The following PGR variants were observed in gnomAD, a reference collection of about 807,000 sequenced individuals.
The protein encoded by PGR is progesterone receptor, also known as nuclear receptor subfamily 3 group C member 3.
Under a neutral mutation model 76.1 loss-of-function variants are expected in PGR, and 25 were observed. The ratio of observed to expected loss-of-function variants is 0.33; its 90% CI spans 0.24 to 0.46. PGR has a LOEUF of 0.46. Ranked by LOEUF, PGR falls within the 20% of genes least tolerant of loss-of-function variation. PGR has a pLI of 1.00. For missense variants in PGR, 1,172 were observed against 1,225.3 expected, an observed-to-expected ratio of 0.96 and a Z score of 0.65; for synonymous variants, 579 against 535.0, an observed-to-expected ratio of 1.08 and a Z score of -1.14.
chr11:101,077,558 T>G (rs944624424), intron 3 of PGR, among the ~76,000 whole-genome samples: 1 of 152,168 alleles, frequency 6.6e-6, no homozygotes, highest in African/African-American at 2.4e-5. Flanking sequence ...ACCCCTCAAT[T>G]CTAACTTTTT....
intron 3 of PGR, among the ~76,000 whole-genome samples, chr11:101,081,746 T>A (rs1861314678): frequency 6.6e-6 from 1 of 152,128 alleles, no homozygotes; most frequent in African/African-American, 2.4e-5. Context: ...TTACAAGAGA[T>A]CCTTACATGG....
chr11:101,094,245 C>T (rs1369720565), intron 2 of PGR, among the ~76,000 whole-genome samples: 1 of 152,188 alleles, frequency 6.6e-6, no homozygotes, highest in Non-Finnish European at 1.5e-5. Context: ...TTCTACCTAA[C>T]TTCCTTTATT....
Position 101,128,155 on chromosome 11 carries a change from C to T in PGR, c.916G>A (p.Val306Met), listed in dbSNP as rs1380505844. Residue 306 changes from valine to methionine, a missense_variant, in exon 1 of 8, where the codon GTG (valine) becomes ATG (methionine). Physicochemically the swap from Val to Met is conservative, Grantham distance 21. Around this residue, in one of 4 missense-constraint regions of PGR, gnomAD observed 893 missense variants for 785.9 expected, o/e 1.14. Coordinates refer to ENST00000325455, the MANE Select transcript of PGR (RefSeq NM_000926.4). ...GCGTGATTGAGAGGCAGGATAGGCA[C>T]GTGGATGAAATCCATCACCGTGGTG... ...LATTVMDFIHVPILPLNHALL... is the reference protein window; with the variant it reads ...LATTVMDFIHMPILPLNHALL... 1 of 1,598,326 alleles carries T rather than the reference C, an allele frequency of 6.3e-7. No individual in the cohort carries two copies. Among genetic ancestry groups the T allele is most frequent in the Non-Finnish European group, 8.5e-7 (1 of 1,179,740 alleles).
At chr11:101,117,512 T>C (rs902701537) in intron 2 of PGR, among the ~76,000 whole-genome samples, 1 of 152,144 alleles carries the variant, frequency 6.6e-6, no homozygotes, top group Admixed American at 6.5e-5. Flanking sequence ...AAATTTGTTT[T>C]TGAATTCTGG....
chr11:101,112,183 G>A (rs1862364776), intron 2 of PGR, among the ~76,000 whole-genome samples: 1 of 152,282 alleles, frequency 6.6e-6, no homozygotes, highest in African/African-American at 2.4e-5. Flanking sequence ...GTTTAAGAGT[G>A]AATGGGAGAA....
At chr11:101,062,831 C>T (rs1362468914) in intron 3 of PGR, 79 bp from the exon 4 acceptor site, 1 of 966,616 alleles carries the variant, frequency 1.0e-6, no homozygotes, top group Non-Finnish European at 1.5e-6. Context: ...TTTCCTAAGT[C>T]TTAGAATCAT....
In PGR at chr11:101,042,035, G is replaced by T; in HGVS notation, c.2556C>A (p.Leu852=). 1.9e-6 allele frequency: 3 copies of T among 1,613,554 alleles called. No homozygotes were observed. Among genetic ancestry groups the T allele is most frequent in the Non-Finnish European group, 2.5e-6 (3 of 1,179,664 alleles). The part of the protein sequence containing the change: ...EEMRSSYIRE[L]IKAIGLRQKG... ...TTTGCCTCAAACCAATTGCCTTGAT[G>T]AGCTCTCTAATGTAGCTTGACCTCA... is the stretch of plus-strand genomic sequence containing the variant. The change falls in exon 7 of 8, where the codon CTC becomes CTA. Residue 852 remains leucine, a synonymous_variant. Coordinates refer to ENST00000325455, the MANE Select transcript of PGR (RefSeq NM_000926.4).
chr11:101,094,723 T>C (rs1459848252), intron 2 of PGR, among the ~76,000 whole-genome samples: 1 of 152,178 alleles, frequency 6.6e-6, no homozygotes, highest in Non-Finnish European at 1.5e-5. Context: ...AAACAGAAAA[T>C]AACCTACAAT....
chr11:101,096,417 T>C (rs1351536174), intron 2 of PGR, among the ~76,000 whole-genome samples: 3 of 152,142 alleles, frequency 2.0e-5, no homozygotes, highest in African/African-American at 7.2e-5. Flanking sequence ...TCTCAAGCAA[T>C]GTTTTGGCTT....
intron 2 of PGR, among the ~76,000 whole-genome samples, chr11:101,116,675 G>A (rs1318312339): frequency 6.7e-6 from 1 of 148,524 alleles, no homozygotes; most frequent in East Asian, 2.0e-4. Context: ...GGGAGGCACA[G>A]GTTGCAGTGA....
intron 5 of PGR, 81 bp from the exon 6 acceptor site, chr11:101,050,140 G>A: frequency 7.0e-7 from 1 of 1,438,388 alleles, no homozygotes; most frequent in African/African-American, 1.4e-5. Context: ...ATTTATCAGG[G>A]AATATGGTTT....
rs889135802 is a variant in PGR, at chr11:101,038,727, C to A, written c.*389G>T. ...AATATAATTGACACAAAGGGAGTTA[C>A]CTAGAAATAACATATAATAGCTTTG... On this transcript the variant is annotated 3_prime_UTR_variant, in exon 8 of 8. Transcript: ENST00000325455. 1 of 234,480 alleles carries A rather than the reference C, an allele frequency of 4.3e-6. No homozygotes were observed. Among genetic ancestry groups the A allele is most frequent in the Non-Finnish European group, 8.4e-6 (1 of 119,138 alleles). The allele number at this position is 234,480 out of a possible 1,614,324, so 14.5% of individuals were successfully genotyped here.
Position 101,051,674 on chromosome 11 carries a change from A to C in PGR, c.2213-106T>G. Reference sequence around the variant, plus strand: ...AAAATAGGTATGCGTAGGGTAATAAAATGTTTTCAATCCCAACATATTTTA... The same window carrying C: ...AAAATAGGTATGCGTAGGGTAATAACATGTTTTCAATCCCAACATATTTTA... On this transcript the variant is annotated intron_variant, in intron 4 of 7. Transcript: ENST00000325455. 3 of 778,170 alleles carry C rather than the reference A, an allele frequency of 3.9e-6. No individual in the cohort carries two copies. The South Asian group carries it at 4.4e-5, about 11-fold the overall frequency. 48.2% of individuals were successfully genotyped at this position (778,170 alleles called of 1,614,324 possible).
At chr11:101,061,734 A>T (rs896523979) in intron 4 of PGR, among the ~76,000 whole-genome samples, 6 of 152,182 alleles carry the variant, frequency 3.9e-5, no homozygotes, top group African/African-American at 1.4e-4. Context: ...CTGGCTCTGC[A>T]GTCTAAGATT....
At chr11:101,071,561 A>C (rs1039408192) in intron 3 of PGR, among the ~76,000 whole-genome samples, 1 of 152,076 alleles carries the variant, frequency 6.6e-6, no homozygotes, top group African/African-American at 2.4e-5. Context: ...ACCCAATGCA[A>C]GGAAGCTAAG....
chr11:101,084,818 G>C (rs1221362644), intron 3 of PGR, among the ~76,000 whole-genome samples: 3 of 152,016 alleles, frequency 2.0e-5, no homozygotes, highest in African/African-American at 7.2e-5. Context: ...AAAAGAGCAG[G>C]GGTTGCTATT....
intron 7 of PGR, among the ~76,000 whole-genome samples, chr11:101,040,766 G>A (rs187300813): frequency 6.6e-6 from 1 of 151,972 alleles, no homozygotes; most frequent in Non-Finnish European, 1.5e-5. Flanking sequence ...GACCCTTTTT[G>A]TTAGAAAACT....
chr11:101,055,131 T>C (rs749590577), intron 4 of PGR, among the ~76,000 whole-genome samples: 8 of 151,964 alleles, frequency 5.3e-5, no homozygotes, highest in Non-Finnish European at 1.2e-4. Flanking sequence ...TACAAAAAAA[T>C]GGGCTGGGCG....
At chr11:101,095,747 A>G (rs758732891) in intron 2 of PGR, among the ~76,000 whole-genome samples, 3 of 152,244 alleles carry the variant, frequency 2.0e-5, no homozygotes, top group Non-Finnish European at 2.9e-5. Flanking sequence ...AGCTTAGAAT[A>G]GTCTGGCACA....
Sources: gnomAD v4.1 joint callset for allele counts (sites outside exome capture counted in the v4.1 genomes callset) on GRCh38, gnomAD v4.1.1 for gene constraint, gnomAD v4.1.1 regional missense constraint, MANE v1.5 for transcripts, NCBI Gene and HGNC (gene_info 2026-07-23, HGNC 2026-07-21) for gene names.